WNK2: variants seen among roughly 807,000 people sequenced by gnomAD.
WNK2 encodes the protein WNK lysine deficient protein kinase 2, also known as serine/threonine-protein kinase WNK2.
WNK2 carries 67 observed loss-of-function variants against 192.1 expected under a neutral mutation model. The ratio of observed to expected loss-of-function variants is 0.35; its 90% CI spans 0.29 to 0.43. The LOEUF (loss-of-function observed/expected upper bound fraction) is 0.43, where lower values mean the gene tolerates loss of function less well. WNK2 is among the 20% of genes least tolerant of loss of function. The probability of loss-of-function intolerance (pLI) is 1.00; values close to 1 mark genes in which losing one functional copy is unlikely to be tolerated. For missense variants in WNK2, 2,698 were observed against 3,089.7 expected (o/e 0.87, Z 3.01); for synonymous variants, 1,439 against 1,393.9 (o/e 1.03, Z -0.72).
intron 13 of WNK2, 44 bp downstream of exon 13, chr9:93,262,151 C>T (rs751280828): frequency 2.2e-5 from 34 of 1,531,540 alleles, no homozygotes; most frequent in African/African-American, 1.2e-4. Flanking sequence ...TGGGCAGTTG[C>T]GGCCACCGGG....
At chr9:93,194,982 A>G (rs1159787775) in intron 2 of WNK2, among the ~76,000 whole-genome samples, 2 of 152,170 alleles carry the variant, frequency 1.3e-5, no homozygotes, top group South Asian at 2.1e-4. Context: ...GATTCCAACT[A>G]GATGACATTC....
chr9:93,271,440 AG>A (rs1845990293), intron 19 of WNK2, among the ~76,000 whole-genome samples: 1 of 152,274 alleles, frequency 6.6e-6, no homozygotes, highest in African/African-American at 2.4e-5. Context: ...AAGACGATGT[AG>A]ATTTTGGGAT....
intron 11 of WNK2, among the ~76,000 whole-genome samples, chr9:93,258,334 G>A (rs915672115): frequency 1.3e-5 from 2 of 152,206 alleles, no homozygotes; most frequent in African/African-American, 2.4e-5. Flanking sequence ...TGGCAAGGCT[G>A]GACAGGATAG....
intron 19 of WNK2, among the ~76,000 whole-genome samples, chr9:93,275,060 TAAAA>T (rs1846594998): frequency 6.6e-6 from 1 of 152,138 alleles, no homozygotes; most frequent in South Asian, 2.1e-4. Context: ...AGCACTATAT[TAAAA>T]GGACAGTGTG....
chr9:93,192,041 C>T (rs935148584), intron 2 of WNK2, among the ~76,000 whole-genome samples: 5 of 149,068 alleles, frequency 3.4e-5, no homozygotes, highest in South Asian at 2.1e-4. Flanking sequence ...AAAGGCCAGG[C>T]GTGGTGGCTC....
chr9:93,230,348 C>T (rs1245260233), intron 3 of WNK2, among the ~76,000 whole-genome samples: 1 of 152,142 alleles, frequency 6.6e-6, no homozygotes, highest in Non-Finnish European at 1.5e-5. Context: ...GCCTCAGTGC[C>T]CCTCAGCCGG....
intron 19 of WNK2, among the ~76,000 whole-genome samples, chr9:93,281,691 A>C (rs1459895264): frequency 6.6e-6 from 1 of 152,152 alleles, no homozygotes; most frequent in African/African-American, 2.4e-5. Context: ...TCTGTAAGTT[A>C]AAAAAGAAAT....
chr9:93,310,482 A>G (rs966592596), intron 28 of WNK2, among the ~76,000 whole-genome samples: 1 of 152,082 alleles, frequency 6.6e-6, no homozygotes, highest in African/African-American at 2.4e-5. Context: ...AAAATTTACA[A>G]TTTTACACAT....
In WNK2 at chr9:93,263,713, G is replaced by A. The variant is rs1311866425; in HGVS notation, c.3558G>A (p.Arg1186=). ...RARSRQERAS[R]PRLTILNVCN... is the part of the protein sequence containing the mutation. ...GCTCCCGGCAGGAGAGGGCCAGCCG[G>A]CCCCGGCTTACCATCTTGAACGTGA... The change falls in exon 15 of 30, where the codon CGG becomes CGA. Residue 1186 remains arginine (R), a synonymous_variant. Transcript: ENST00000427277. 15 of 1,521,566 alleles carry A rather than the reference G, an allele frequency of 9.9e-6. No homozygotes were observed. The highest frequency in any genetic ancestry group is 1.3e-5 in the Non-Finnish European group (15 of 1,139,102). The allele number at this position is 1,521,566 out of a possible 1,614,324, so 94.3% of individuals were successfully genotyped here.
chr9:93,247,973 C>A lies in WNK2; in HGVS notation c.1834+139C>A. ...GAAGGGGGTCCGCATGGCATCCCCT[C>A]GGAGGAGACATCGTGTAGCTCTGAG... On this transcript the variant is annotated intron_variant, in intron 8 of 29. Transcript: ENST00000427277. This position sits in a 1 kb window ranked among gnomAD's most constrained non-coding sequence, Gnocchi z 5.2. 1 of 958,906 alleles carries A rather than the reference C, an allele frequency of 1.0e-6. No homozygotes were observed. The highest frequency in any genetic ancestry group is 1.5e-6 in the Non-Finnish European group (1 of 657,248). The allele number at this position is 958,906 out of a possible 1,614,324, so 59.4% of individuals were successfully genotyped here. A position where few individuals can be genotyped will look rare whatever the true frequency, so the allele number is the denominator to read the frequency against.
rs1267782591 is a variant in WNK2 at position 93,209,933 on chromosome 9, GC to G, written c.682-19759del. 6.6e-5 allele frequency among the ~76,000 whole-genome samples: 10 copies of G among 152,162 alleles called. No homozygotes were observed. The East Asian group carries it at 1.9e-3, about 29-fold the overall frequency. On this transcript the variant is annotated intron_variant, in intron 2 of 29. Coordinates refer to ENST00000427277, the MANE Select transcript of WNK2 (RefSeq NM_006648.4). Reference sequence around the variant, plus strand: ...ACCCCCAGAGCATGGCCAGGGAGGAGCCCCACGCCTGTGGGCACCAAGATCA... The same window carrying G: ...ACCCCCAGAGCATGGCCAGGGAGGAGCCCACGCCTGTGGGCACCAAGATCA...
At chr9:93,289,834 T>A in intron 20 of WNK2, 144 bp from the exon 21 acceptor site, 1 of 892,530 alleles carries the variant, frequency 1.1e-6, no homozygotes, top group Non-Finnish European at 1.7e-6. Context: ...CAGCGTCAGG[T>A]GACTCAGCCC....
chr9:93,219,543 T>A (rs985159304), intron 2 of WNK2, among the ~76,000 whole-genome samples: 2 of 152,196 alleles, frequency 1.3e-5, no homozygotes, highest in African/African-American at 4.8e-5. Flanking sequence ...TAGCTGGTGG[T>A]CTTCATTTAA....
Position 93,257,281 on chromosome 9 carries a change from G to A in WNK2, c.2382+142G>A. 1.1e-6 allele frequency: 1 copy of A among 869,962 alleles called. No individual in the cohort carries two copies. The highest frequency in any genetic ancestry group is 1.7e-6 in the Non-Finnish European group (1 of 579,842). The allele number at this position is 869,962 out of a possible 1,614,324, so 53.9% of individuals were successfully genotyped here. On this transcript the variant is annotated intron_variant, in intron 11 of 29. Coordinates refer to ENST00000427277, the MANE Select transcript of WNK2 (RefSeq NM_006648.4). This position sits in a 1 kb window ranked among gnomAD's most constrained non-coding sequence, Gnocchi z 4.7. ...TGGGCTGGCCAGGGAGTTGGGGCTG[G>A]GCTGGGGAGTCCGGGCTGGGCAGTG...
chr9:93,292,072 C>T (rs1371331195), intron 21 of WNK2, among the ~76,000 whole-genome samples: 1 of 152,240 alleles, frequency 6.6e-6, no homozygotes, highest in Non-Finnish European at 1.5e-5. Flanking sequence ...TATTGGGCAT[C>T]TGTCATAGAA....
intron 23 of WNK2, among the ~76,000 whole-genome samples, chr9:93,296,487 C>T (rs1323257605): frequency 9.9e-5 from 3 of 30,288 alleles, no homozygotes; most frequent in South Asian, 2.2e-3. Context: ...TTCCTTCTCC[C>T]TCCTCCCCCT....
intron 2 of WNK2, among the ~76,000 whole-genome samples, chr9:93,208,297 G>A (rs1031374610): frequency 5.3e-5 from 8 of 152,226 alleles, no homozygotes; most frequent in African/African-American, 1.9e-4. Context: ...ATTCTTCTGA[G>A]AAATATTTTG....
At chr9:93,284,545 A>T (rs932898688) in intron 19 of WNK2, among the ~76,000 whole-genome samples, 1 of 146,766 alleles carries the variant, frequency 6.8e-6, no homozygotes, top group Non-Finnish European at 1.5e-5. Context: ...CAAGATAAGG[A>T]TGCCTATTCT....
At chr9:93,203,149 C>T (rs761105346) in intron 2 of WNK2, among the ~76,000 whole-genome samples, 1 of 152,048 alleles carries the variant, frequency 6.6e-6, no homozygotes, top group Non-Finnish European at 1.5e-5. Flanking sequence ...AAGGTCCTTC[C>T]TGGGGGCTGC....
Sources: gnomAD v4.1 joint callset for allele counts (sites outside exome capture counted in the v4.1 genomes callset) on GRCh38, gnomAD v4.1.1 for gene constraint, Gnocchi (gnomAD v3.1) non-coding constraint, MANE v1.5 for transcripts, NCBI Gene and HGNC (gene_info 2026-07-23, HGNC 2026-07-21) for gene names.